Variants in AK7 observed in about 807,000 individuals in gnomAD.
AK7 encodes adenylate kinase 7, also known as ATP-AMP transphosphorylase 7.
Under a neutral mutation model 96.6 loss-of-function variants are expected in AK7, and 78 were observed. The observed-to-expected ratio is 0.81, with a 90% CI of 0.67 to 0.97. The LOEUF (loss-of-function observed/expected upper bound fraction) is 0.97, where lower values mean the gene tolerates loss of function less well. Ranked by LOEUF, AK7 falls within the 50% of genes least tolerant of loss-of-function variation. The probability of loss-of-function intolerance (pLI) is 0.00; values close to 1 mark genes in which losing one functional copy is unlikely to be tolerated. For synonymous variants in AK7, 302 were observed against 317.2 expected, an observed-to-expected ratio of 0.95 and a Z score of 0.51; for missense variants, 855 against 887.9, an observed-to-expected ratio of 0.96 and a Z score of 0.47.
chr14:96,465,323 C>A (rs1207154783), intron 12 of AK7, among the ~76,000 whole-genome samples: 1 of 151,910 alleles, frequency 6.6e-6, no homozygotes, highest in Non-Finnish European at 1.5e-5. Context: ...ATTAGCCGGG[C>A]GTGGTGGCGG....
intron 1 of AK7, 82 bp downstream of exon 1, chr14:96,392,341 G>A: frequency 7.6e-7 from 1 of 1,309,132 alleles, no homozygotes; most frequent in Non-Finnish European, 1.1e-6. Context: ...CCCAGCGAGG[G>A]TCTGCGCCCC....
intron 4 of AK7, among the ~76,000 whole-genome samples, chr14:96,419,773 TTTTTTTCTTTCTTTTC>T: frequency 7.0e-6 from 1 of 143,076 alleles, no homozygotes. Context: ...CTAAAGCATT[TTTTTTTCTTTCTTTTC>T]TTTTTTTTTT....
At chr14:96,430,333 C>T (rs916095124) in intron 5 of AK7, among the ~76,000 whole-genome samples, 21 of 151,822 alleles carry the variant, frequency 1.4e-4, no homozygotes, top group Non-Finnish European at 2.6e-4. Context: ...CTACAGGCGC[C>T]CGCCACTACG....
At chr14:96,452,478 A>G (rs1893661571) in intron 10 of AK7, among the ~76,000 whole-genome samples, 1 of 151,540 alleles carries the variant, frequency 6.6e-6, no homozygotes, top group South Asian at 2.1e-4. Flanking sequence ...GGTGTGCACC[A>G]TCACATCTGG....
intron 5 of AK7, among the ~76,000 whole-genome samples, chr14:96,431,647 A>C (rs993586812): frequency 6.6e-6 from 1 of 152,106 alleles, no homozygotes. Context: ...TTTGTTCTTT[A>C]CTATTTGCTG....
chr14:96,479,634 G>C (rs994681080), intron 15 of AK7, among the ~76,000 whole-genome samples: 5 of 152,158 alleles, frequency 3.3e-5, no homozygotes, highest in African/African-American at 1.2e-4. Flanking sequence ...AAGCACTCAT[G>C]ATCCCGCATC....
intron 12 of AK7, among the ~76,000 whole-genome samples, chr14:96,467,077 TAAACAC>T: frequency 6.8e-6 from 1 of 147,900 alleles, no homozygotes; most frequent in African/African-American, 2.5e-5. Context: ...AAGGTTCTCA[TAAACAC>T]AAACTTTGAC....
rs1438928425 is a variant in AK7, at chr14:96,488,593, T to G, written c.*250T>G. 1 of 384,262 alleles carries G rather than the reference T, an allele frequency of 2.6e-6. No individual in the cohort carries two copies. Among genetic ancestry groups the G allele is most frequent in the Non-Finnish European group, 4.7e-6 (1 of 211,348 alleles). 23.8% of individuals were successfully genotyped at this position (384,262 alleles called of 1,614,324 possible). The stretch of plus-strand genomic sequence containing the variant: ...GACAAATACTGATTTAATATTTTAT[T>G]CTTTAGTCAGATCTAAATATACCGC... On this transcript the variant is annotated 3_prime_UTR_variant, in exon 18 of 18. Transcript: ENST00000267584.
chr14:96,487,432 CTTT>C (rs1164556067), intron 17 of AK7, among the ~76,000 whole-genome samples: 2 of 119,540 alleles, frequency 1.7e-5, no homozygotes, highest in African/African-American at 3.2e-5. Context: ...CTGCCTGAAT[CTTT>C]TTTTTTTTTT....
At chr14:96,486,785 T>C in intron 16 of AK7, 113 bp from the exon 17 acceptor site, 1 of 888,710 alleles carries the variant, frequency 1.1e-6, no homozygotes, top group Non-Finnish European at 1.7e-6. Context: ...GCCATCTGTA[T>C]CATAGATGGT....
chr14:96,487,431 T>A (rs1595474788), intron 17 of AK7, among the ~76,000 whole-genome samples: 1 of 134,934 alleles, frequency 7.4e-6, no homozygotes, highest in Non-Finnish European at 1.6e-5. Context: ...TCTGCCTGAA[T>A]CTTTTTTTTT....
At chr14:96,463,174 C>A (rs931090127) in intron 12 of AK7, among the ~76,000 whole-genome samples, 3 of 150,548 alleles carry the variant, frequency 2.0e-5, no homozygotes, top group Non-Finnish European at 4.4e-5. Context: ...AAACAAAAAA[C>A]CAGTTAACCT....
intron 3 of AK7, among the ~76,000 whole-genome samples, chr14:96,406,036 A>C (rs749514683): frequency 6.8e-6 from 1 of 146,194 alleles, no homozygotes; most frequent in Non-Finnish European, 1.5e-5. Flanking sequence ...TTTGTGTTTC[A>C]TGTCCCCCCA....
At chr14:96,453,355 C>T (rs535789033) in intron 10 of AK7, among the ~76,000 whole-genome samples, 1 of 152,272 alleles carries the variant, frequency 6.6e-6, no homozygotes, top group Non-Finnish European at 1.5e-5. Context: ...ATGAGCAAGA[C>T]TGGACAAGAA....
intron 16 of AK7, among the ~76,000 whole-genome samples, chr14:96,484,822 G>A (rs1895686588): frequency 6.6e-6 from 1 of 152,162 alleles, no homozygotes; most frequent in Non-Finnish European, 1.5e-5. Context: ...ATGAGGACAG[G>A]GATGTCTGTG....
At chr14:96,407,642 C>A (rs369827855) in intron 3 of AK7, among the ~76,000 whole-genome samples, 2 of 140,038 alleles carry the variant, frequency 1.4e-5, no homozygotes, top group African/African-American at 5.4e-5. Flanking sequence ...AGTGCAGTGG[C>A]GCAATCTCGG....
At chr14:96,416,500 C>T (rs1213644672) in intron 4 of AK7, among the ~76,000 whole-genome samples, 1 of 152,016 alleles carries the variant, frequency 6.6e-6, no homozygotes, top group Non-Finnish European at 1.5e-5. Flanking sequence ...TCTTTACCTC[C>T]TAGAAAGAGG....
At chr14:96,412,180 A>C (rs1371375318) in intron 4 of AK7, among the ~76,000 whole-genome samples, 1 of 151,948 alleles carries the variant, frequency 6.6e-6, no homozygotes, top group African/African-American at 2.4e-5. Flanking sequence ...GGGAAGAAGA[A>C]AGGTGAGCTG....
chr14:96,474,446 TAAAAAAAAAAA>T (rs1170896129), intron 14 of AK7, among the ~76,000 whole-genome samples: 1 of 101,470 alleles, frequency 9.9e-6, no homozygotes, highest in Non-Finnish European at 2.0e-5. Context: ...TCATATCTAC[TAAAAAAAAAAA>T]AAAAAAAAAA....
Sources: gnomAD v4.1 joint callset for allele counts (sites outside exome capture counted in the v4.1 genomes callset) on GRCh38, gnomAD v4.1.1 for gene constraint, MANE v1.5 for transcripts, NCBI Gene and HGNC (gene_info 2026-07-23, HGNC 2026-07-21) for gene names.